Variants in MYO1D observed in about 807,000 individuals in gnomAD.
MYO1D encodes the protein unconventional myosin-Id.
Under a neutral mutation model 122.0 loss-of-function variants are expected in MYO1D, and 83 were observed. That is an observed-to-expected ratio of 0.68 (90% CI 0.57 to 0.82). The LOEUF is 0.82. Among genes scored for constraint, MYO1D ranks in the 40% least tolerant of loss-of-function variants. MYO1D has a pLI of 0.00. For synonymous variants in MYO1D, 464 were observed against 446.9 expected, an observed-to-expected ratio of 1.04 and a Z score of -0.48; for missense variants, 1,157 against 1,269.5, an observed-to-expected ratio of 0.91 and a Z score of 1.35.
chr17:32,814,361 A>G (rs760788283), intron 1 of MYO1D, among the ~76,000 whole-genome samples: 3 of 152,178 alleles, frequency 2.0e-5, no homozygotes, highest in Non-Finnish European at 2.9e-5. Flanking sequence ...AAAAACAAAA[A>G]CAAAAAACAC....
At chr17:32,785,809 C>A (rs947653938) in intron 1 of MYO1D, among the ~76,000 whole-genome samples, 7 of 152,168 alleles carry the variant, frequency 4.6e-5, no homozygotes, top group African/African-American at 1.7e-4. Flanking sequence ...TCTAAATATT[C>A]CAGTTCTCTA....
chr17:32,587,844 A>G lies in MYO1D; in HGVS notation c.2864+17243T>C, dbSNP rs183694656. 2.0e-3 allele frequency among the ~76,000 whole-genome samples: 298 copies of G among 152,298 alleles called. 1 individual carries two copies. Among genetic ancestry groups the G allele is most frequent in the African/African-American group, 6.6e-3 (276 of 41,576 alleles). On this transcript the variant is annotated intron_variant, in intron 21 of 21. Coordinates refer to ENST00000318217, the MANE Select transcript of MYO1D (RefSeq NM_015194.3). ...TTTCTTCCCTTCTCTCCTCTGTTCC[A>G]GCTACTTCCAGCTGCAGCAGCAGGG...
intron 16 of MYO1D, among the ~76,000 whole-genome samples, chr17:32,701,391 T>G (rs1392743853): frequency 6.6e-6 from 1 of 152,090 alleles, no homozygotes; most frequent in African/African-American, 2.4e-5. Context: ...AAAAGAAAAG[T>G]GTCCATTTTA....
intron 16 of MYO1D, among the ~76,000 whole-genome samples, chr17:32,693,746 T>C (rs901477169): frequency 3.3e-5 from 5 of 152,196 alleles, no homozygotes; most frequent in African/African-American, 4.8e-5. Flanking sequence ...GGAGTGGCAA[T>C]GGTTTCTTAT....
At chr17:32,778,600 A>C (rs1237625294) in intron 2 of MYO1D, 27 bp from the exon 3 acceptor site, 1 of 1,567,112 alleles carries the variant, frequency 6.4e-7, no homozygotes, top group East Asian at 2.2e-5. Flanking sequence ...TTCAGGGCTT[A>C]ACATAATAAT....
chr17:32,807,863 C>T lies in MYO1D; in HGVS notation c.96-27079G>A, dbSNP rs555680024. Among the ~76,000 whole-genome samples the T allele has an allele frequency of 1.4e-4, 21 of 152,294 alleles. No individual in the cohort carries two copies. The South Asian group carries it at 3.9e-3, about 29-fold the overall frequency. ...GTTTGTAACTCTAGCATAACCTACC[C>T]TATCTTAATCAGCAACCCTTTCACA... On this transcript the variant is annotated intron_variant, in intron 1 of 21. Transcript: ENST00000318217.
intron 1 of MYO1D, among the ~76,000 whole-genome samples, chr17:32,790,420 TC>T (rs1446686615): frequency 6.6e-6 from 1 of 152,054 alleles, no homozygotes; most frequent in Non-Finnish European, 1.5e-5. Flanking sequence ...AAGTTCCTTA[TC>T]CATCAAAATT....
At chr17:32,516,047 C>A (rs1909880272) in intron 21 of MYO1D, among the ~76,000 whole-genome samples, 1 of 152,230 alleles carries the variant, frequency 6.6e-6, no homozygotes, top group Non-Finnish European at 1.5e-5. Flanking sequence ...ATATGTTCTG[C>A]ACACTTCCTA....
intron 1 of MYO1D, among the ~76,000 whole-genome samples, chr17:32,872,932 A>G (rs888157483): frequency 2.6e-5 from 4 of 151,246 alleles, no homozygotes; most frequent in Non-Finnish European, 4.4e-5. Flanking sequence ...TCCTGACCTC[A>G]TGATCCACCT....
intron 11 of MYO1D, among the ~76,000 whole-genome samples, chr17:32,753,829 C>T (rs917875443): frequency 3.3e-5 from 5 of 150,032 alleles, no homozygotes; most frequent in Admixed American, 2.7e-4. Context: ...ACTCGGGAGG[C>T]GGAGGTTGCA....
intron 20 of MYO1D, among the ~76,000 whole-genome samples, chr17:32,614,166 C>T (rs1369559736): frequency 1.4e-5 from 2 of 146,752 alleles, no homozygotes; most frequent in Non-Finnish European, 3.0e-5. Flanking sequence ...CCTGGAGAAT[C>T]TCTCCTCTTC....
chr17:32,552,741 G>C (rs1261842222), intron 21 of MYO1D, among the ~76,000 whole-genome samples: 2 of 152,224 alleles, frequency 1.3e-5, no homozygotes, highest in East Asian at 3.9e-4. Flanking sequence ...TCTTAAACCG[G>C]GACACGATTA....
At chr17:32,860,479 G>A (rs1422059835) in intron 1 of MYO1D, among the ~76,000 whole-genome samples, 2 of 152,106 alleles carry the variant, frequency 1.3e-5, no homozygotes, top group African/African-American at 2.4e-5. Context: ...AGACTACTAA[G>A]ACCTCCATCT....
chr17:32,756,612 T>C (rs1274845130), intron 10 of MYO1D, among the ~76,000 whole-genome samples: 2 of 151,322 alleles, frequency 1.3e-5, no homozygotes, highest in African/African-American at 4.8e-5. Flanking sequence ...TTTAGTTACA[T>C]GACCCTGAAT....
At chr17:32,647,481 A>G (rs1979706) in intron 19 of MYO1D, among the ~76,000 whole-genome samples, 89,435 of 152,046 alleles carry the variant, frequency 0.59, 26,920 homozygotes, top group Middle Eastern at 0.67. Context: ...TAAAATTGTC[A>G]TTGCTGGAAA....
intron 21 of MYO1D, among the ~76,000 whole-genome samples, chr17:32,506,048 A>T (rs1220705359): frequency 6.6e-6 from 1 of 152,212 alleles, no homozygotes; most frequent in Non-Finnish European, 1.5e-5. Context: ...ATGAGACCCC[A>T]TCTCTAAGAA....
At chr17:32,502,358 C>A (rs867801602) in intron 21 of MYO1D, among the ~76,000 whole-genome samples, 2 of 152,140 alleles carry the variant, frequency 1.3e-5, no homozygotes, top group Non-Finnish European at 2.9e-5. Context: ...CCAGAAGAGG[C>A]AAAGCCACGG....
At chr17:32,639,325 T>C (rs960788984) in intron 19 of MYO1D, among the ~76,000 whole-genome samples, 10 of 151,106 alleles carry the variant, frequency 6.6e-5, no homozygotes, top group African/African-American at 2.4e-4. Context: ...TATAATGATA[T>C]AAAGAAAATA....
Position 32,876,642 on chromosome 17 carries a change from G to A in MYO1D, c.95+136C>T. On this transcript the variant is annotated intron_variant, in intron 1 of 21. Transcript: ENST00000318217. Reference sequence around the variant, plus strand: ...CAGCCGCGGAGCTTGGCAGACCCCCGGACACCGCAGCCCGGCCGCGCCTCC... The same window carrying A: ...CAGCCGCGGAGCTTGGCAGACCCCCAGACACCGCAGCCCGGCCGCGCCTCC... 9 of 633,374 alleles carry A rather than the reference G, an allele frequency of 1.4e-5. No homozygotes were observed. The South Asian group carries it at 1.5e-4, about 11-fold the overall frequency. 39.2% of individuals were successfully genotyped at this position (633,374 alleles called of 1,614,324 possible).
Sources: allele counts gnomAD v4.1 joint callset (sites outside exome capture counted in the v4.1 genomes callset), GRCh38; gene constraint gnomAD v4.1.1; transcripts MANE v1.5; gene names NCBI Gene and HGNC (gene_info 2026-07-23, HGNC 2026-07-21).